TOMM40: variants seen among roughly 807,000 people sequenced by gnomAD.
TOMM40 encodes the protein translocase of outer mitochondrial membrane 40.
A neutral mutation model predicts 38.4 loss-of-function variants in TOMM40; 9 were observed. The ratio of observed to expected loss-of-function variants is 0.23; its 90% CI spans 0.14 to 0.41. The LOEUF (loss-of-function observed/expected upper bound fraction) is 0.41. Among genes scored for constraint, TOMM40 ranks in the 10% least tolerant of loss-of-function variants. The pLI, the probability that TOMM40 is intolerant of heterozygous loss-of-function variation, is 1.00. For synonymous variants in TOMM40, 184 were observed against 210.0 expected, an observed-to-expected ratio of 0.88 and a Z score of 1.07; for missense variants, 299 against 486.5, an observed-to-expected ratio of 0.61 and a Z score of 3.63.
At chr19:44,893,408 G>A (rs59007384) in intron 3 of TOMM40, among the ~76,000 whole-genome samples, 1 of 152,018 alleles carries the variant, frequency 6.6e-6, no homozygotes, top group Non-Finnish European at 1.5e-5. Flanking sequence ...CCCAGACAGG[G>A]TTGGGGGGAC....
chr19:44,902,075 G>C (rs963343243), intron 8 of TOMM40: 1 of 152,148 alleles, frequency 6.6e-6, no homozygotes, highest in Non-Finnish European at 1.5e-5. Flanking sequence ...GGGTGACAGA[G>C]TGAGACTCCA....
At chr19:44,901,480 C>T (rs1235464964) in intron 8 of TOMM40, 170 bp downstream of exon 8, 21 of 1,452,456 alleles carry the variant, frequency 1.4e-5, no homozygotes, top group Admixed American at 2.6e-5. Context: ...CGGTGGCTCA[C>T]GCCTGTAATC....
In TOMM40 at chr19:44,893,997, G is replaced by A; in HGVS notation, c.574G>A (p.Gly192Arg). The A allele has an allele frequency of 3.2e-6, 5 of 1,550,044 alleles. No homozygotes were observed. Among genetic ancestry groups the A allele is most frequent in the Non-Finnish European group, 4.4e-6 (5 of 1,145,330 alleles). ...QSKFVNWQVD[G>R]EYRGSDFTAA... ...GAAGTTTGTGAACTGGCAGGTGGAC[G>A]GGGAGTATCGGGGCTCTGACTTCAC... Residue 192 changes from glycine (G) to arginine (R), a missense_variant, in exon 5 of 9, where the codon GGG becomes AGG. Transcript: ENST00000426677.
intron 2 of TOMM40, 70 bp from the exon 3 acceptor site, chr19:44,892,767 C>T: frequency 7.5e-7 from 1 of 1,327,966 alleles, no homozygotes; most frequent in Non-Finnish European, 1.1e-6. Context: ...GCCCAGAGAC[C>T]TTGTCCTTGC....
At chr19:44,897,269 A>G (rs2122761136) in intron 5 of TOMM40, among the ~76,000 whole-genome samples, 1 of 152,190 alleles carries the variant, frequency 6.6e-6, no homozygotes, top group Middle Eastern at 3.4e-3. Flanking sequence ...TTAGAAAGAT[A>G]CTTGAGGGTC....
intron 5 of TOMM40, among the ~76,000 whole-genome samples, chr19:44,899,383 G>C (rs1969634247): frequency 6.6e-6 from 1 of 151,954 alleles, no homozygotes. Context: ...ACTCAGGCTG[G>C]AGTGCAGTGG....
Position 44,891,622 on chromosome 19 carries a change from C to T in TOMM40, c.207C>T (p.Ala69=), listed in dbSNP as rs1246405659. The T allele has an allele frequency of 4.0e-6, 6 of 1,483,764 alleles. No individual in the cohort carries two copies. Among genetic ancestry groups the T allele is most frequent in the East Asian group, 2.9e-5 (1 of 34,414 alleles). 91.9% of individuals were successfully genotyped at this position (1,483,764 alleles called of 1,614,324 possible). A position where few individuals can be genotyped will look rare whatever the true frequency, so the allele number is the denominator to read the frequency against. ...GAATASASGA[A]EDGACGCLPN... is the part of the protein sequence containing the mutation. ...CAACCGCCAGCGCCTCAGGGGCCGC[C>T]GAGGATGGGGCCTGCGGCTGCCTGC... Residue 69 remains alanine (A), a synonymous_variant, in exon 1 of 9, where the codon GCC becomes GCT. Coordinates refer to ENST00000426677, the MANE Select transcript of TOMM40 (RefSeq NM_001128917.2).
At position 44,901,300 on chromosome 19, in the gene TOMM40, C is replaced by T. The variant is rs775119358; in HGVS notation, c.936C>T (p.Leu312=). Residue 312 remains leucine (L), a synonymous_variant, in exon 8 of 9, where the codon CTC becomes CTT. Transcript: ENST00000426677. ...AGCTGGACCTGCCCAAGGCCAACCT[C>T]CTCTTCAAAGGTAAAGGTCTCGGTT... The part of the protein sequence containing the change: ...GYQLDLPKAN[L]LFKGSVDSNW... 1.6e-5 allele frequency: 26 copies of T among 1,613,790 alleles called. No individual in the cohort carries two copies. The highest frequency in any genetic ancestry group is 2.1e-5 in the Non-Finnish European group (25 of 1,179,948).
chr19:44,898,806 G>A (rs1385743334), intron 5 of TOMM40, among the ~76,000 whole-genome samples: 1 of 151,602 alleles, frequency 6.6e-6, no homozygotes, highest in Non-Finnish European at 1.5e-5. Context: ...CCAAAGTGCT[G>A]GAATTACAGG....
Position 44,892,618 on chromosome 19 carries a change from G to A in TOMM40, c.342+158G>A, listed in dbSNP as rs151285748. On this transcript the variant is annotated intron_variant, in intron 2 of 8. Transcript: ENST00000426677. The stretch of plus-strand genomic sequence containing the variant: ...GTGCCAGACTGACTACTCAGTTTGG[G>A]GACCTAGAATCCAGAGGTACTGTCT... 4.1e-3 allele frequency among the ~76,000 whole-genome samples: 631 copies of A among 152,210 alleles called. 1 individual carries two copies. The highest frequency in any genetic ancestry group is 0.011 in the Admixed American group (163 of 15,274).
chr19:44,899,791 C>CTTTTTTTTT lies in TOMM40; in HGVS notation c.644-912_644-904dup, dbSNP rs10524523. Among the ~76,000 whole-genome samples, 51 of 90,968 alleles carry CTTTTTTTTT rather than the reference C, an allele frequency of 5.6e-4. 6 individuals carry two copies. Among genetic ancestry groups the CTTTTTTTTT allele is most frequent in the Non-Finnish European group, 9.1e-4 (41 of 44,944 alleles). The allele number at this position is 90,968 out of a possible 152,430, so 59.7% of individuals were successfully genotyped here. On this transcript the variant is annotated intron_variant, in intron 5 of 8. Coordinates refer to ENST00000426677, the MANE Select transcript of TOMM40 (RefSeq NM_001128917.2). ...TACTGGCATGAGCCATTGCATCTGGCTTTTTTTTTTTTTTTTTTTTTTTTT... is the reference window on the plus strand; with the variant it reads ...TACTGGCATGAGCCATTGCATCTGGCTTTTTTTTTTTTTTTTTTTTTTTTTTTTTTTTTT...
intron 5 of TOMM40, among the ~76,000 whole-genome samples, chr19:44,900,270 C>A (rs900485335): frequency 6.6e-6 from 1 of 152,188 alleles, no homozygotes; most frequent in African/African-American, 2.4e-5. Flanking sequence ...GGTCACCAGC[C>A]AGCCTGTGGC....
chr19:44,902,717 T>C (rs1208405379), intron 8 of TOMM40: 1 of 244,736 alleles, frequency 4.1e-6, no homozygotes, highest in Non-Finnish European at 7.8e-6. Flanking sequence ...GCCACAGCGG[T>C]GACCAGCCCT....
intron 5 of TOMM40, 90 bp from the exon 6 acceptor site, chr19:44,900,640 C>G (rs1599944305): frequency 6.2e-7 from 1 of 1,604,504 alleles, no homozygotes. Context: ...GCCCAAGCCT[C>G]CAGCCGGGGT....
intron 8 of TOMM40, 30 bp from the exon 9 acceptor site, chr19:44,903,000 C>T (rs1252338128): frequency 3.7e-6 from 6 of 1,601,100 alleles, no homozygotes; most frequent in African/African-American, 1.3e-5. Flanking sequence ...GGGAAGCTGG[C>T]ACGCCTCTCA....
At chr19:44,891,835 T>C in intron 1 of TOMM40, 146 bp downstream of exon 1, 9 of 907,334 alleles carry the variant, frequency 9.9e-6, no homozygotes, top group Non-Finnish European at 1.3e-5. Flanking sequence ...TGGTGGAACG[T>C]TGGACTTGGG....
chr19:44,899,620 T>G (rs1488512468), intron 5 of TOMM40, among the ~76,000 whole-genome samples: 62 of 30,698 alleles, frequency 2.0e-3, no homozygotes, highest in African/African-American at 0.017. Flanking sequence ...TGGCCTTGAT[T>G]TTTTTTTTTT....
intron 5 of TOMM40, among the ~76,000 whole-genome samples, chr19:44,898,473 C>G (rs1969609547): frequency 6.8e-6 from 1 of 147,812 alleles, no homozygotes; most frequent in Admixed American, 6.7e-5. Flanking sequence ...TTCAGTCCCT[C>G]TTCCCCCTTC....
intron 5 of TOMM40, among the ~76,000 whole-genome samples, chr19:44,897,819 C>T (rs533741753): frequency 1.3e-5 from 2 of 151,222 alleles, no homozygotes; most frequent in African/African-American, 4.8e-5. Flanking sequence ...ATGGGGGTCT[C>T]GCCATGTTGC....
Sources: gnomAD v4.1 joint callset for allele counts (sites outside exome capture counted in the v4.1 genomes callset) on GRCh38, gnomAD v4.1.1 for gene constraint, MANE v1.5 for transcripts, NCBI Gene and HGNC (gene_info 2026-07-23, HGNC 2026-07-21) for gene names.